Variants in GFOD1 observed in about 807,000 individuals in gnomAD.
GFOD1 encodes Gfo/Idh/MocA-like oxidoreductase domain containing 1.
In GFOD1, 9 loss-of-function variants were observed where a neutral mutation model predicts 25.4. That is an observed-to-expected ratio of 0.35 (90% CI 0.21 to 0.62). The LOEUF is 0.62. Ranked by LOEUF, GFOD1 falls within the 20% of genes least tolerant of loss-of-function variation. The probability of loss-of-function intolerance (pLI) is 0.72; values close to 1 mark genes in which losing one functional copy is unlikely to be tolerated. For missense variants in GFOD1, 403 were observed against 556.9 expected, an observed-to-expected ratio of 0.72 and a Z score of 2.78; for synonymous variants, 253 against 245.6, an observed-to-expected ratio of 1.03 and a Z score of -0.28.
intron 1 of GFOD1, among the ~76,000 whole-genome samples, chr6:13,392,680 A>C (rs1373834893): frequency 6.6e-6 from 1 of 152,108 alleles, no homozygotes; most frequent in African/African-American, 2.4e-5. Context: ...GACTCTTGTC[A>C]TTTCATATTG....
intron 1 of GFOD1, among the ~76,000 whole-genome samples, chr6:13,442,859 T>G (rs35862487): frequency 6.6e-6 from 1 of 152,256 alleles, no homozygotes; most frequent in African/African-American, 2.4e-5. Flanking sequence ...TTTTCATGCC[T>G]GTAGCCCATG....
intron 1 of GFOD1, among the ~76,000 whole-genome samples, chr6:13,416,212 AG>A: frequency 6.6e-6 from 1 of 152,306 alleles, no homozygotes; most frequent in South Asian, 2.1e-4. Context: ...AAGTTTCCTG[AG>A]GCCTCATTGG....
rs541444112 is a variant in GFOD1 at position 13,430,853 on chromosome 6, A to G, written c.253+55785T>C. On this transcript the variant is annotated intron_variant, in intron 1 of 1. Coordinates refer to ENST00000379287, the MANE Select transcript of GFOD1 (RefSeq NM_018988.4). This position sits in a 1 kb window ranked among gnomAD's most constrained non-coding sequence, Gnocchi z 4.1. Reference sequence around the variant, plus strand: ...TTCTCCAGGACTCCCTCCCATCAGGATACCTACCTGAGGACACTCCATCTC... The same window carrying G: ...TTCTCCAGGACTCCCTCCCATCAGGGTACCTACCTGAGGACACTCCATCTC... Among the ~76,000 whole-genome samples, 1 of 152,274 alleles carries G rather than the reference A, an allele frequency of 6.6e-6. No homozygotes were observed. The highest frequency in any genetic ancestry group is 3.4e-3 in the Middle Eastern group (1 of 294).
At chr6:13,401,950 A>G (rs1357048896) in intron 1 of GFOD1, among the ~76,000 whole-genome samples, 1 of 152,258 alleles carries the variant, frequency 6.6e-6, no homozygotes, top group Non-Finnish European at 1.5e-5. Context: ...CCTCAAAGCT[A>G]CAGTAATCAT....
chr6:13,416,897 A>G (rs1201269803), intron 1 of GFOD1, among the ~76,000 whole-genome samples: 1 of 152,184 alleles, frequency 6.6e-6, no homozygotes, highest in Non-Finnish European at 1.5e-5. Context: ...AGAAGTGAAT[A>G]AAGGAAAAGA....
At chr6:13,367,284 T>C (rs510932) in intron 1 of GFOD1, among the ~76,000 whole-genome samples, 94,682 of 152,090 alleles carry the variant, frequency 0.62, 30,396 homozygotes, top group African/African-American at 0.78. Context: ...TTTTGGCTAA[T>C]GTCTTCCCCT....
At position 13,463,376 on chromosome 6, in the gene GFOD1, A is replaced by G. The variant is rs1438883100; in HGVS notation, c.253+23262T>C. 8.5e-5 allele frequency among the ~76,000 whole-genome samples: 13 copies of G among 152,306 alleles called. No individual in the cohort carries two copies. The East Asian group carries it at 2.3e-3, about 27-fold the overall frequency. On this transcript the variant is annotated intron_variant, in intron 1 of 1. Coordinates refer to ENST00000379287, the MANE Select transcript of GFOD1 (RefSeq NM_018988.4). ...AGCCACAAATTAATTAAAATGAAAG[A>G]CAATTTAAAATCCAGCTCCTCATTC... is the stretch of plus-strand genomic sequence containing the variant.
intron 1 of GFOD1, among the ~76,000 whole-genome samples, chr6:13,392,375 AAAG>A (rs1477545129): frequency 6.6e-6 from 1 of 151,860 alleles, no homozygotes; most frequent in Admixed American, 6.6e-5. Flanking sequence ...AAAAGAGAAA[AAAG>A]AAAATCTGTT....
At chr6:13,475,654 G>A (rs1350909572) in intron 1 of GFOD1, among the ~76,000 whole-genome samples, 1 of 151,476 alleles carries the variant, frequency 6.6e-6, no homozygotes, top group Non-Finnish European at 1.5e-5. Flanking sequence ...GAAGGCGGCA[G>A]CTGGAGTAAG....
At chr6:13,381,112 G>A (rs755580117) in intron 1 of GFOD1, among the ~76,000 whole-genome samples, 12 of 152,220 alleles carry the variant, frequency 7.9e-5, no homozygotes, top group Non-Finnish European at 1.3e-4. Context: ...TCCTGGGGGT[G>A]GAGAGCAGTC....
At position 13,365,036 on chromosome 6, in the gene GFOD1, C is replaced by T. The variant is rs1209677294; in HGVS notation, c.880G>A (p.Ala294Thr). 1 of 1,610,402 alleles carries T rather than the reference C, an allele frequency of 6.2e-7. No individual in the cohort carries two copies. The part of the protein sequence containing the change: ...PVSNSLLPEK[A>T]FSDIPSPYLR... The stretch of plus-strand genomic sequence containing the variant: ...TAGGGCGAGGGGATGTCGCTGAAGG[C>T]CTTCTCCGGAAGCAGGGAGTTGCTC... Residue 294 changes from alanine (A) to threonine (T), a missense_variant, in exon 2 of 2, where the codon GCC becomes ACC. By Grantham distance (58) the Ala-to-Thr change is moderately conservative. Coordinates refer to ENST00000379287, the MANE Select transcript of GFOD1 (RefSeq NM_018988.4). This position sits in a 1 kb window ranked among gnomAD's most constrained non-coding sequence, Gnocchi z 9.2.
intron 1 of GFOD1, among the ~76,000 whole-genome samples, chr6:13,447,652 A>T (rs1162406093): frequency 1.3e-5 from 2 of 148,588 alleles, no homozygotes; most frequent in African/African-American, 2.5e-5. Flanking sequence ...GAGGCAGGAG[A>T]ATCACTTGCA....
At chr6:13,390,423 T>A (rs1785565039) in intron 1 of GFOD1, among the ~76,000 whole-genome samples, 1 of 151,630 alleles carries the variant, frequency 6.6e-6, no homozygotes, top group Non-Finnish European at 1.5e-5. Flanking sequence ...AGACCCTGTC[T>A]CTAAAAAAAA....
intron 1 of GFOD1, among the ~76,000 whole-genome samples, chr6:13,384,099 C>A (rs1414433608): frequency 6.6e-6 from 1 of 152,054 alleles, no homozygotes; most frequent in African/African-American, 2.4e-5. Context: ...TGGTGGCATG[C>A]GCCTATAAGC....
At chr6:13,426,482 GTAAC>G (rs541472236) in intron 1 of GFOD1, among the ~76,000 whole-genome samples, 68 of 152,326 alleles carry the variant, frequency 4.5e-4, no homozygotes, top group African/African-American at 1.6e-3. Flanking sequence ...TCCCAGGAAA[GTAAC>G]TATGACCTCT....
intron 1 of GFOD1, among the ~76,000 whole-genome samples, chr6:13,371,823 G>A (rs1385041865): frequency 2.0e-5 from 3 of 152,132 alleles, no homozygotes; most frequent in Non-Finnish European, 2.9e-5. Flanking sequence ...ATCACGCCAC[G>A]GCTCCATGCT....
intron 1 of GFOD1, chr6:13,470,737 C>A: frequency 7.1e-7 from 1 of 1,407,938 alleles, no homozygotes; most frequent in Non-Finnish European, 9.3e-7. Context: ...CTGCCAGGGA[C>A]ACATTTAAAT....
At chr6:13,469,937 A>T in intron 1 of GFOD1, 1 of 1,305,010 alleles carries the variant, frequency 7.7e-7, no homozygotes, top group Non-Finnish European at 1.0e-6. Flanking sequence ...TTCTCTTTCC[A>T]AAAGTGATGA....
intron 1 of GFOD1, among the ~76,000 whole-genome samples, chr6:13,384,182 C>A (rs556688256): frequency 6.6e-6 from 1 of 152,182 alleles, no homozygotes; most frequent in East Asian, 1.9e-4. Flanking sequence ...GCCGAGATCA[C>A]GCCACTTCAC....
Sources: gnomAD v4.1 joint callset for allele counts (sites outside exome capture counted in the v4.1 genomes callset) on GRCh38, gnomAD v4.1.1 for gene constraint, Gnocchi (gnomAD v3.1) non-coding constraint, MANE v1.5 for transcripts, NCBI Gene and HGNC (gene_info 2026-07-23, HGNC 2026-07-21) for gene names.